Variants in LPIN1 observed in about 807,000 individuals in gnomAD.
The protein encoded by LPIN1 is lipin 1, also known as phosphatidate phosphatase LPIN1.
Under a neutral mutation model 107.5 loss-of-function variants are expected in LPIN1, and 71 were observed. The observed-to-expected ratio is 0.66, with a 90% CI of 0.55 to 0.80. LPIN1 has a LOEUF of 0.80. Among genes scored for constraint, LPIN1 ranks in the 30% least tolerant of loss-of-function variants. LPIN1 has a pLI of 0.00. For synonymous variants in LPIN1, 445 were observed against 452.6 expected, an observed-to-expected ratio of 0.98 and a Z score of 0.21; for missense variants, 1,043 against 1,160.6, an observed-to-expected ratio of 0.90 and a Z score of 1.47.
chr2:11,684,991 A>G (rs1661928199), intron 1 of LPIN1, among the ~76,000 whole-genome samples: 1 of 152,206 alleles, frequency 6.6e-6, no homozygotes, highest in Non-Finnish European at 1.5e-5. Context: ...GGAGAAAAGA[A>G]TAAGCAAGTG....
intron 1 of LPIN1, among the ~76,000 whole-genome samples, chr2:11,750,268 C>A (rs903063512): frequency 3.3e-5 from 5 of 152,172 alleles, no homozygotes; most frequent in African/African-American, 4.8e-5. Flanking sequence ...GGGCACCAGA[C>A]AAGACAGGCG....
intron 1 of LPIN1, chr2:11,724,675 G>C: frequency 2.0e-6 from 2 of 979,926 alleles, no homozygotes; most frequent in African/African-American, 3.5e-5. Context: ...GGGGAATCAC[G>C]ATGCTTCCAG....
upstream of LPIN1, chr2:11,724,210 C>G (rs1015791459): frequency 1.1e-5 from 5 of 450,060 alleles, no homozygotes; most frequent in East Asian, 4.7e-4. Flanking sequence ...CTCCTGAAAC[C>G]TGGCTCACTC....
intron 1 of LPIN1, among the ~76,000 whole-genome samples, chr2:11,755,479 G>A (rs150921044): frequency 1.2e-4 from 18 of 152,260 alleles, no homozygotes; most frequent in South Asian, 1.0e-3. Context: ...AAGGAGAGAA[G>A]ACTCACTTGG....
Position 11,824,942 on chromosome 2 carries a change from C to T in LPIN1, c.*151C>T. The T allele has an allele frequency of 1.2e-6, 1 of 864,310 alleles. No individual in the cohort carries two copies. The highest frequency in any genetic ancestry group is 1.8e-6 in the Non-Finnish European group (1 of 553,092). 53.5% of individuals were successfully genotyped at this position (864,310 alleles called of 1,614,324 possible). On this transcript the variant is annotated 3_prime_UTR_variant, in exon 21 of 21. Coordinates refer to ENST00000674199, the MANE Select transcript of LPIN1 (RefSeq NM_001349206.2). The stretch of plus-strand genomic sequence containing the variant: ...AGAATTGAGAAGCATTTCTCCCCTG[C>T]CCCACCCCGGGGCTGACATTTCTAA...
intron 1 of LPIN1, among the ~76,000 whole-genome samples, chr2:11,701,023 C>T (rs1207106342): frequency 1.3e-5 from 2 of 152,186 alleles, no homozygotes; most frequent in Admixed American, 6.5e-5. Flanking sequence ...TTCCTTGGCC[C>T]TGCTCCCCCT....
intron 1 of LPIN1, among the ~76,000 whole-genome samples, chr2:11,749,711 C>T (rs888185735): frequency 2.0e-5 from 3 of 152,206 alleles, no homozygotes; most frequent in Admixed American, 2.0e-4. Flanking sequence ...GGATGCAGGG[C>T]GCGTTGTGCC....
Position 11,746,655 on chromosome 2 carries a change from A to G in LPIN1, c.-26A>G, listed in dbSNP as rs564382112. ...GGGTGTTTGCAATACAAAGGCGGCC[A>G]CGCGCGGCGCCGCTCGGTGAGTAGC... On this transcript the variant is annotated 5_prime_UTR_variant, in exon 1 of 21. Coordinates refer to ENST00000674199, the MANE Select transcript of LPIN1 (RefSeq NM_001349206.2). 54 of 985,190 alleles carry G rather than the reference A, an allele frequency of 5.5e-5. No individual in the cohort carries two copies. In the East Asian group the frequency reaches 5.2e-3, roughly 95 times the overall value. The allele number at this position is 985,190 out of a possible 1,614,324, so 61.0% of individuals were successfully genotyped here.
intron 1 of LPIN1, chr2:11,677,785 TC>T (rs1661506352): frequency 1.4e-6 from 2 of 1,417,874 alleles, no homozygotes; most frequent in Non-Finnish European, 1.9e-6. Flanking sequence ...CCTCCTTCCA[TC>T]CCCAGGTGCC....
At chr2:11,764,103 T>TATATATATACAC (rs1553422099) in intron 1 of LPIN1, 1 of 121,806 alleles carries the variant, frequency 8.2e-6, no homozygotes, top group African/African-American at 3.4e-5. Context: ...TATATATATA[T>TATATATATACAC]ACACACACAC....
chr2:11,739,554 A>C (rs997207187), intron 1 of LPIN1, among the ~76,000 whole-genome samples: 1 of 152,262 alleles, frequency 6.6e-6, no homozygotes, highest in South Asian at 2.1e-4. Flanking sequence ...CCTAAAACAA[A>C]GGCTGTTCTG....
At chr2:11,812,661 A>G (rs1009779842) in intron 17 of LPIN1, among the ~76,000 whole-genome samples, 1 of 152,058 alleles carries the variant, frequency 6.6e-6, no homozygotes, top group Non-Finnish European at 1.5e-5. Flanking sequence ...GTCATTGCAG[A>G]TGGGGTTGGG....
intron 1 of LPIN1, among the ~76,000 whole-genome samples, chr2:11,731,417 T>C (rs1665214204): frequency 6.6e-6 from 1 of 152,250 alleles, no homozygotes; most frequent in Admixed American, 6.5e-5. Context: ...TTCTTTTTCA[T>C]GGCTGCATAG....
chr2:11,753,838 A>G (rs1239135237), intron 1 of LPIN1, among the ~76,000 whole-genome samples: 1 of 152,214 alleles, frequency 6.6e-6, no homozygotes, highest in Non-Finnish European at 1.5e-5. Flanking sequence ...GGCACTTCCT[A>G]GAAGCTTTTT....
At chr2:11,813,375 C>CT (rs944332384) in intron 17 of LPIN1, among the ~76,000 whole-genome samples, 9 of 151,046 alleles carry the variant, frequency 6.0e-5, no homozygotes, top group East Asian at 1.9e-4. Flanking sequence ...ATCATACCTT[C>CT]TTTTTTTTTA....
intron 17 of LPIN1, among the ~76,000 whole-genome samples, chr2:11,807,986 T>C (rs1409941530): frequency 1.3e-5 from 2 of 152,174 alleles, no homozygotes; most frequent in Non-Finnish European, 2.9e-5. Context: ...GTTCCTCCTC[T>C]GCACTCCATT....
At chr2:11,702,004 G>A (rs774766279) in intron 1 of LPIN1, among the ~76,000 whole-genome samples, 52 of 152,336 alleles carry the variant, frequency 3.4e-4, no homozygotes, top group Non-Finnish European at 5.4e-4. Flanking sequence ...TCTTGTGGCT[G>A]TCGGATGCCA....
rs386643245 is a variant in LPIN1 at position 11,753,893 on chromosome 2, AC to A, written c.-10+7224del. ...ATGAAAATCCTCATTTGTCTTGTAAACCTCCAAGGTGGATGTGATCTCGGCG... is the reference window on the plus strand; with the variant it reads ...ATGAAAATCCTCATTTGTCTTGTAAACTCCAAGGTGGATGTGATCTCGGCG... On this transcript the variant is annotated intron_variant, in intron 1 of 20. Coordinates refer to ENST00000674199, the MANE Select transcript of LPIN1 (RefSeq NM_001349206.2). Among the ~76,000 whole-genome samples, 249 of 151,724 alleles carry A rather than the reference AC, an allele frequency of 1.6e-3. 3 individuals carry two copies. Among genetic ancestry groups the A allele is most frequent in the African/African-American group, 5.8e-3 (240 of 41,340 alleles).
chr2:11,754,585 C>G (rs1668377380), intron 1 of LPIN1, among the ~76,000 whole-genome samples: 1 of 152,224 alleles, frequency 6.6e-6, no homozygotes, highest in African/African-American at 2.4e-5. Context: ...GAAGGTGTCA[C>G]ATCCAGGGCC....
Sources: allele counts gnomAD v4.1 joint callset (sites outside exome capture counted in the v4.1 genomes callset), GRCh38; gene constraint gnomAD v4.1.1; transcripts MANE v1.5; gene names NCBI Gene and HGNC (gene_info 2026-07-23, HGNC 2026-07-21).